The following EPCIP variants were observed in gnomAD, a reference collection of about 807,000 sequenced individuals.
The protein encoded by EPCIP is exosomal polycystin-1-interacting protein.
chr21:32,797,230 G>T, the EPCIP span: 1 of 266,716 alleles, frequency 3.7e-6, no homozygotes, highest in Non-Finnish European at 7.6e-6. Context: ...AATGCTAGTT[G>T]GAAATTTTCC....
At chr21:32,804,409 G>T in the EPCIP span, among the ~76,000 whole-genome samples, 2 of 151,590 alleles carry the variant, frequency 1.3e-5, no homozygotes, top group South Asian at 4.2e-4. Context: ...GCCTCCCAAG[G>T]TGCTAGGATT....
chr21:32,800,567 C>G, the EPCIP span, among the ~76,000 whole-genome samples: 1 of 152,202 alleles, frequency 6.6e-6, no homozygotes, highest in African/African-American at 2.4e-5. Flanking sequence ...CCTGTAATCC[C>G]AGCACTCTGG....
chr21:32,805,723 AACC>A, the EPCIP span, among the ~76,000 whole-genome samples: 3 of 152,296 alleles, frequency 2.0e-5, no homozygotes, highest in South Asian at 6.2e-4. Context: ...GAGGAAACCA[AACC>A]ACCACATCAA....
chr21:32,807,018 C>T, the EPCIP span, among the ~76,000 whole-genome samples: 1 of 152,154 alleles, frequency 6.6e-6, no homozygotes, highest in South Asian at 2.1e-4. Context: ...CATCAGATCT[C>T]GCAAGACTTA....
the EPCIP span, among the ~76,000 whole-genome samples, chr21:32,796,163 C>A: frequency 6.6e-6 from 1 of 152,144 alleles, no homozygotes; most frequent in East Asian, 1.9e-4. Flanking sequence ...CCTCATAGAA[C>A]TTATGTCCTA....
the EPCIP span, chr21:32,790,904 A>C: frequency 6.6e-6 from 1 of 152,248 alleles, no homozygotes; most frequent in Non-Finnish European, 1.5e-5. Flanking sequence ...GCTGAATGGC[A>C]AGCCGACATT....
At chr21:32,801,164 G>A in the EPCIP span, among the ~76,000 whole-genome samples, 1 of 152,176 alleles carries the variant, frequency 6.6e-6, no homozygotes. Context: ...ATGAAAGAGA[G>A]CACACCCCTC....
the EPCIP span, among the ~76,000 whole-genome samples, chr21:32,802,182 T>C: frequency 2.0e-5 from 3 of 152,206 alleles, no homozygotes; most frequent in African/African-American, 7.2e-5. Flanking sequence ...TAAATGATTT[T>C]AAAACCCTCC....
the EPCIP span, among the ~76,000 whole-genome samples, chr21:32,803,320 A>C: frequency 6.6e-6 from 1 of 152,172 alleles, no homozygotes; most frequent in African/African-American, 2.4e-5. Context: ...CTTATTAGAG[A>C]GATAGCAAGG....
the EPCIP span, among the ~76,000 whole-genome samples, chr21:32,792,447 G>A: frequency 2.6e-5 from 4 of 152,162 alleles, no homozygotes; most frequent in Admixed American, 6.5e-5. Flanking sequence ...TAAGTGGTGA[G>A]TAAATTCCCA....
the EPCIP span, among the ~76,000 whole-genome samples, chr21:32,804,941 T>C: frequency 6.6e-6 from 1 of 152,236 alleles, no homozygotes; most frequent in African/African-American, 2.4e-5. Context: ...ATGGATGTTA[T>C]AGTAGGTCAA....
the EPCIP span, among the ~76,000 whole-genome samples, chr21:32,809,344 C>CT: frequency 8.4e-4 from 65 of 77,736 alleles, 1 homozygote; most frequent in African/African-American, 2.6e-3. Context: ...TTCTTTCTTT[C>CT]CTCTTTCTTT....
chr21:32,813,182 T>C, the EPCIP span, among the ~76,000 whole-genome samples: 1 of 152,272 alleles, frequency 6.6e-6, no homozygotes, highest in South Asian at 2.1e-4. Context: ...TTTCCTTAAT[T>C]GTTATTTAGC....
chr21:32,804,185 G>A, the EPCIP span, among the ~76,000 whole-genome samples: 3 of 151,492 alleles, frequency 2.0e-5, no homozygotes, highest in Non-Finnish European at 2.9e-5. Flanking sequence ...TGGATCAGTC[G>A]GAGAACCTGT....
chr21:32,805,358 A>AT, the EPCIP span, among the ~76,000 whole-genome samples: 151,667 of 151,722 alleles, frequency 1, 75,806 homozygotes, highest in Middle Eastern at 1. Context: ...ATTGTAGATT[A>AT]TATTTTTTTT....
At chr21:32,791,400 A>G in the EPCIP span, 1 of 152,200 alleles carries the variant, frequency 6.6e-6, no homozygotes, top group Non-Finnish European at 1.5e-5. Flanking sequence ...TTTATACTTT[A>G]TTAATAAAAA....
At chr21:32,811,058 G>A in the EPCIP span, among the ~76,000 whole-genome samples, 1 of 151,990 alleles carries the variant, frequency 6.6e-6, no homozygotes, top group Non-Finnish European at 1.5e-5. Context: ...TTTGTGCCAG[G>A]TACTGTTAAG....
the EPCIP span, chr21:32,794,131 C>T: frequency 2.2e-4 from 359 of 1,614,138 alleles, 7 homozygotes; most frequent in East Asian, 6.3e-3. Flanking sequence ...CTTGGACCAG[C>T]GTGAAGTTCA....
the EPCIP span, chr21:32,794,420 A>T: frequency 6.2e-7 from 1 of 1,610,234 alleles, no homozygotes; most frequent in Non-Finnish European, 8.5e-7. Context: ...AGGTGGTGCC[A>T]TGCTTGCCCA....
Sources: allele counts gnomAD v4.1 joint callset (sites outside exome capture counted in the v4.1 genomes callset), GRCh38; gene constraint gnomAD v4.1.1; transcripts MANE v1.5; gene names NCBI Gene and HGNC (gene_info 2026-07-23, HGNC 2026-07-21).